Variants in MYO18A observed in about 807,000 individuals in gnomAD.
MYO18A encodes unconventional myosin-XVIIIa.
In MYO18A, 78 loss-of-function variants were observed where a neutral mutation model predicts 235.8. That is an observed-to-expected ratio of 0.33 (90% confidence interval 0.28 to 0.40). The LOEUF (loss-of-function observed/expected upper bound fraction) is 0.40. Among genes scored for constraint, MYO18A ranks in the 10% least tolerant of loss-of-function variants. MYO18A has a pLI of 1.00. For synonymous variants in MYO18A, 977 were observed against 1,077.8 expected, an observed-to-expected ratio of 0.91 and a Z score of 1.83; for missense variants, 2,215 against 2,699.3, an observed-to-expected ratio of 0.82 and a Z score of 3.98.
chr17:29,097,456 G>A, intron 26 of MYO18A, 106 bp from the exon 27 acceptor site: 3 of 1,468,750 alleles, frequency 2.0e-6, no homozygotes, highest in Non-Finnish European at 2.8e-6. Flanking sequence ...GAGTCAGCCA[G>A]GGCTCAGAAA....
chr17:29,098,804 G>A, intron 23 of MYO18A, 22 bp downstream of exon 23: 1 of 1,613,470 alleles, frequency 6.2e-7, no homozygotes, highest in Non-Finnish European at 8.5e-7. Context: ...CAGAGACTTG[G>A]CCCTCTCAGG....
In MYO18A at chr17:29,118,517, C is replaced by A. The variant is rs1739140329; in HGVS notation, c.1830-77G>T. ...CATTTCCGCCCAGGGTGGAGACAGA[C>A]AGACTCAGCTTCCAGACTCCAAGTT... is the stretch of plus-strand genomic sequence containing the variant. On this transcript the variant is annotated intron_variant, in intron 8 of 41. Coordinates refer to ENST00000527372, the MANE Select transcript of MYO18A (RefSeq NM_078471.4). The surrounding 1 kb of genome is among the most constrained non-coding windows in gnomAD (Gnocchi z 4.2). 7.4e-7 allele frequency: 1 copy of A among 1,345,844 alleles called. No individual in the cohort carries two copies. The highest frequency in any genetic ancestry group is 1.4e-5 in the African/African-American group (1 of 69,200). 83.4% of individuals were successfully genotyped at this position (1,345,844 alleles called of 1,614,324 possible).
chr17:29,111,764 G>T lies in MYO18A; in HGVS notation c.2698C>A (p.Arg900Ser). ...TGGGGGCCATAATAGGAGAAAAGGCGCTCCAGGAGGGTGTCCTCACTGGCC... is the reference window on the plus strand; with the variant it reads ...TGGGGGCCATAATAGGAGAAAAGGCTCTCCAGGAGGGTGTCCTCACTGGCC... ...PGASEDTLLE[R>S]LFSYYGPQEG... Residue 900 changes from arginine to serine, a missense_variant, in exon 16 of 42, where the codon CGC becomes AGC. Arg to Ser is a moderately radical substitution (Grantham distance 110). Transcript: ENST00000527372. The surrounding 1 kb of genome is among the most constrained non-coding windows in gnomAD (Gnocchi z 5.1). 6.2e-7 allele frequency: 1 copy of T among 1,613,796 alleles called. No individual in the cohort carries two copies. The highest frequency in any genetic ancestry group is 8.5e-7 in the Non-Finnish European group (1 of 1,179,802).
At chr17:29,087,917 C>T (rs919941492) in intron 37 of MYO18A, among the ~76,000 whole-genome samples, 1 of 152,096 alleles carries the variant, frequency 6.6e-6, no homozygotes, top group Non-Finnish European at 1.5e-5. Flanking sequence ...TGTCCTGTGT[C>T]CACCAGACCA....
At position 29,119,310 on chromosome 17, in the gene MYO18A, T is replaced by G. The variant is rs530646943; in HGVS notation, c.1829+25A>C. 2.5e-6 allele frequency: 4 copies of G among 1,572,062 alleles called. No individual in the cohort carries two copies. The African/African-American group carries it at 4.1e-5, about 16-fold the overall frequency. ...CAGTGGGCTGGAGTTCAGAGAACCC[T>G]TGTGTACCCTCTGACCCATCTCACC... On this transcript the variant is annotated intron_variant, in intron 8 of 41. Coordinates refer to ENST00000527372, the MANE Select transcript of MYO18A (RefSeq NM_078471.4).
At chr17:29,107,015 T>C (rs2066803761) in intron 20 of MYO18A, 65 bp downstream of exon 20, 1 of 1,479,988 alleles carries the variant, frequency 6.8e-7, no homozygotes, top group Non-Finnish European at 9.4e-7. Flanking sequence ...GGCAGATGAG[T>C]CTGGAAAGGG....
intron 22 of MYO18A, among the ~76,000 whole-genome samples, chr17:29,099,333 C>T (rs1201940617): frequency 6.6e-6 from 1 of 152,196 alleles, no homozygotes; most frequent in Non-Finnish European, 1.5e-5. Flanking sequence ...TATGGACTTG[C>T]TAATAAGAAA....
In MYO18A at chr17:29,166,290, G is replaced by T. The variant is rs755645534; in HGVS notation, c.651C>A (p.Thr217=). The change falls in exon 2 of 42, where the codon ACC becomes ACA. Residue 217 remains threonine (T), a synonymous_variant. Coordinates refer to ENST00000527372, the MANE Select transcript of MYO18A (RefSeq NM_078471.4). ...LPPVVPLPPP[T]LRELELQRRP... is the part of the protein sequence containing the mutation. ...GTCGTTGCAGCTCCAGCTCCCGGAG[G>T]GTAGGTGGGGGCAGGGGCACCACGG... is the stretch of plus-strand genomic sequence containing the variant. 1.2e-6 allele frequency: 2 copies of T among 1,612,786 alleles called. No individual in the cohort carries two copies. Among genetic ancestry groups the T allele is most frequent in the Admixed American group, 3.3e-5 (2 of 60,030 alleles).
At position 29,089,392 on chromosome 17, in the gene MYO18A, G is replaced by A. The variant is rs2066338397; in HGVS notation, c.5526+569C>T. Among the ~76,000 whole-genome samples the A allele has an allele frequency of 2.6e-5, 3 of 114,310 alleles. No homozygotes were observed. The South Asian group carries it at 9.4e-4, about 36-fold the overall frequency. 75.0% of individuals were successfully genotyped at this position (114,310 alleles called of 152,430 possible). On this transcript the variant is annotated intron_variant, in intron 37 of 41. Coordinates refer to ENST00000527372, the MANE Select transcript of MYO18A (RefSeq NM_078471.4). ...GCCGAGATCGTACCACTGCACTCAA[G>A]CCTGGCGACAGAGTGAGACTCTGTC...
rs1054014680 is a variant in MYO18A at position 29,073,585 on chromosome 17, A to G, written c.*1185T>C. On this transcript the variant is annotated 3_prime_UTR_variant, in exon 42 of 42. Transcript: ENST00000527372. ...CAGGGGAGAGCACAGCCCAGTGAGT[A>G]CAAACCAATTGCAGGAGAGAAGGGG... 5 of 424,444 alleles carry G rather than the reference A, an allele frequency of 1.2e-5. No individual in the cohort carries two copies. The highest frequency in any genetic ancestry group is 9.9e-5 in the African/African-American group (5 of 50,432). The allele number at this position is 424,444 out of a possible 1,614,324, so 26.3% of individuals were successfully genotyped here.
At chr17:29,104,379 A>G (rs2066729821) in intron 20 of MYO18A, among the ~76,000 whole-genome samples, 1 of 152,220 alleles carries the variant, frequency 6.6e-6, no homozygotes, top group African/African-American at 2.4e-5. Flanking sequence ...GTATGTAAGG[A>G]GGAATCTAGG....
rs1403987818 is a variant in MYO18A, at chr17:29,109,435, T to A, written c.3331+423A>T. On this transcript the variant is annotated intron_variant, in intron 19 of 41. Coordinates refer to ENST00000527372, the MANE Select transcript of MYO18A (RefSeq NM_078471.4). The surrounding 1 kb of genome is among the most constrained non-coding windows in gnomAD (Gnocchi z 4.1). ...ATGGGTCCATAAAAAAGGGTCTGTC[T>A]GACCTTTCTTGGGAATTTTAAGTAC... 6.6e-6 allele frequency among the ~76,000 whole-genome samples: 1 copy of A among 152,240 alleles called. No individual in the cohort carries two copies. The highest frequency in any genetic ancestry group is 1.5e-5 in the Non-Finnish European group (1 of 68,040).
chr17:29,161,450 A>T (rs971620271), intron 2 of MYO18A, among the ~76,000 whole-genome samples: 1 of 150,206 alleles, frequency 6.7e-6, no homozygotes, highest in African/African-American at 2.5e-5. Flanking sequence ...TCGCTTGAGC[A>T]TATAAGCCAA....
At chr17:29,157,633 T>C (rs971156298) in intron 2 of MYO18A, among the ~76,000 whole-genome samples, 4 of 152,220 alleles carry the variant, frequency 2.6e-5, no homozygotes, top group Non-Finnish European at 5.9e-5. Context: ...CAGATTGTTA[T>C]GATCCTTCAA....
At chr17:29,097,044 TGAA>T in intron 27 of MYO18A, 129 bp from the exon 28 acceptor site, 1 of 1,382,662 alleles carries the variant, frequency 7.2e-7, no homozygotes, top group Non-Finnish European at 9.6e-7. Flanking sequence ...CCCAGGGAAC[TGAA>T]GAAGCTCTAA....
rs991045591 is a variant in MYO18A, at chr17:29,116,982, C to T, written c.2039-527G>A. 4.6e-5 allele frequency among the ~76,000 whole-genome samples: 7 copies of T among 152,108 alleles called. No homozygotes were observed. The East Asian group carries it at 1.4e-3, about 30-fold the overall frequency. ...AACCTAGAGCCTGGCTCCTCCTGGG[C>T]AGGGATGCCACTTCTTGGGGTCGCT... On this transcript the variant is annotated intron_variant, in intron 10 of 41. Coordinates refer to ENST00000527372, the MANE Select transcript of MYO18A (RefSeq NM_078471.4).
intron 19 of MYO18A, among the ~76,000 whole-genome samples, chr17:29,108,499 C>T (rs563762351): frequency 8.5e-5 from 13 of 152,300 alleles, no homozygotes; most frequent in African/African-American, 2.6e-4. Context: ...GACACAGAAA[C>T]GGAGGCCTGG....
intron 2 of MYO18A, among the ~76,000 whole-genome samples, chr17:29,145,225 G>A (rs12452739): frequency 0.22 from 33,373 of 152,162 alleles, 4,650 homozygotes; most frequent in Non-Finnish European, 0.3. Flanking sequence ...CACAAAAGGT[G>A]TTCCACGAAA....
intron 2 of MYO18A, among the ~76,000 whole-genome samples, chr17:29,142,224 G>A (rs1438005122): frequency 3.3e-5 from 5 of 152,186 alleles, no homozygotes; most frequent in African/African-American, 9.7e-5. Context: ...GAGCCACTGC[G>A]CCTGGCTGGA....
Sources: gnomAD v4.1 joint callset for allele counts (sites outside exome capture counted in the v4.1 genomes callset) on GRCh38, gnomAD v4.1.1 for gene constraint, Gnocchi (gnomAD v3.1) non-coding constraint, MANE v1.5 for transcripts, NCBI Gene and HGNC (gene_info 2026-07-23, HGNC 2026-07-21) for gene names.